Variants in UCK2 observed in about 807,000 individuals in gnomAD.
UCK2 encodes uridine-cytidine kinase 2.
In UCK2, 6 loss-of-function variants were observed where a neutral mutation model predicts 30.8. That is an observed-to-expected ratio of 0.19 (90% confidence interval 0.11 to 0.38). The LOEUF is 0.38. Among genes scored for constraint, UCK2 ranks in the 10% least tolerant of loss-of-function variants. The pLI, the probability that UCK2 is intolerant of heterozygous loss-of-function variation, is 1.00. For missense variants in UCK2, 210 were observed against 339.8 expected (o/e 0.62, Z 3.00); for synonymous variants, 125 against 133.6 (o/e 0.94, Z 0.45).
At chr1:165,851,415 T>C (rs945825629) in intron 1 of UCK2, among the ~76,000 whole-genome samples, 1 of 152,062 alleles carries the variant, frequency 6.6e-6, no homozygotes, top group East Asian at 1.9e-4. Flanking sequence ...TTAATAGGAG[T>C]GCCCTCAGCC....
chr1:165,888,861 G>A (rs1211429835), intron 1 of UCK2, among the ~76,000 whole-genome samples: 1 of 151,620 alleles, frequency 6.6e-6, no homozygotes, highest in African/African-American at 2.4e-5. Flanking sequence ...TTTTACATTA[G>A]TCTTTGTATG....
At position 165,908,211 on chromosome 1, in the gene UCK2, A is replaced by G. The variant is rs1557852311; in HGVS notation, c.*388A>G. 6.5e-6 allele frequency: 1 copy of G among 154,978 alleles called. No individual in the cohort carries two copies. The highest frequency in any genetic ancestry group is 1.4e-5 in the Non-Finnish European group (1 of 69,880). 9.6% of individuals were successfully genotyped at this position (154,978 alleles called of 1,614,324 possible). On this transcript the variant is annotated 3_prime_UTR_variant, in exon 7 of 7. Coordinates refer to ENST00000367879, the MANE Select transcript of UCK2 (RefSeq NM_012474.5). ...GTTTTAGGACTGGAGCTGGAATTTCACCAAGGGGAAATTGCCTGTTGTGTC... is the reference window on the plus strand; with the variant it reads ...GTTTTAGGACTGGAGCTGGAATTTCGCCAAGGGGAAATTGCCTGTTGTGTC...
At chr1:165,836,486 A>T (rs1349165001) in intron 1 of UCK2, among the ~76,000 whole-genome samples, 1 of 152,222 alleles carries the variant, frequency 6.6e-6, no homozygotes, top group African/African-American at 2.4e-5. Context: ...TACCTTTAAA[A>T]TTATATGTCA....
chr1:165,854,957 C>T (rs866349191), intron 1 of UCK2, among the ~76,000 whole-genome samples: 7 of 152,192 alleles, frequency 4.6e-5, no homozygotes, highest in Middle Eastern at 3.4e-3. Context: ...AATTCCCATA[C>T]GAAGGTATAA....
chr1:165,830,347 CAG>C (rs1654015481), intron 1 of UCK2, among the ~76,000 whole-genome samples: 3 of 139,702 alleles, frequency 2.1e-5, no homozygotes, highest in African/African-American at 8.1e-5. Flanking sequence ...TTTTTTGAGA[CAG>C]AGTCTTGCTC....
intron 5 of UCK2, 30 bp downstream of exon 5, chr1:165,903,309 G>A (rs1212409396): frequency 1.3e-6 from 2 of 1,594,936 alleles, no homozygotes; most frequent in East Asian, 2.2e-5. Flanking sequence ...TGTTTTTGTT[G>A]AATGTAGAAT....
chr1:165,899,246 C>T (rs538178962), intron 4 of UCK2, among the ~76,000 whole-genome samples: 10 of 152,234 alleles, frequency 6.6e-5, no homozygotes, highest in African/African-American at 1.9e-4. Flanking sequence ...TTGATCTTCT[C>T]GGGATTGGTT....
chr1:165,870,880 C>G (rs77783983), intron 1 of UCK2, among the ~76,000 whole-genome samples: 1 of 152,222 alleles, frequency 6.6e-6, no homozygotes, highest in Non-Finnish European at 1.5e-5. Context: ...TGCAGTGGCA[C>G]GATCTTGGCT....
At chr1:165,880,566 GGTGTGTGTGTGTGTGTGTGTGTGTGTGT>G (rs869079437) in intron 1 of UCK2, among the ~76,000 whole-genome samples, 20 of 19,358 alleles carry the variant, frequency 1.0e-3, no homozygotes, top group Middle Eastern at 0.031. Flanking sequence ...TTTTTTTGGG[GGTGTGTGTGTGTGTGTGTGTGTGTGTGT>G]GTGTGTGTGT....
chr1:165,894,411 T>G (rs1310147512), intron 3 of UCK2: 1 of 152,208 alleles, frequency 6.6e-6, no homozygotes, highest in African/African-American at 2.4e-5. Context: ...TGCCTTCTTA[T>G]GCACAATGAC....
At chr1:165,904,496 C>T (rs538117154) in intron 5 of UCK2, among the ~76,000 whole-genome samples, 2 of 152,316 alleles carry the variant, frequency 1.3e-5, no homozygotes, top group African/African-American at 2.4e-5. Flanking sequence ...TTAATAAGAA[C>T]ACAAAATGAA....
chr1:165,858,186 A>T (rs59075935), intron 1 of UCK2, among the ~76,000 whole-genome samples: 3,619 of 152,276 alleles, frequency 0.024, 163 homozygotes, highest in African/African-American at 0.083. Flanking sequence ...TTAAAGATTG[A>T]TAGTCTGTGC....
intron 1 of UCK2, among the ~76,000 whole-genome samples, chr1:165,871,320 G>GC (rs1655191572): frequency 6.6e-6 from 1 of 152,188 alleles, no homozygotes; most frequent in African/African-American, 2.4e-5. Context: ...CATCTGGGTT[G>GC]TACTCCAGAC....
chr1:165,902,592 ATTTTTTTTTTTTTTTTT>A (rs386368582), intron 4 of UCK2: 1 of 45,758 alleles, frequency 2.2e-5, no homozygotes, highest in South Asian at 1.3e-3. Flanking sequence ...TCACTGAGTG[ATTTTTTTTTTTTTTTTT>A]TTTTTTTTTT....
At chr1:165,893,786 T>TA (rs1261838180) in intron 3 of UCK2, among the ~76,000 whole-genome samples, 1 of 152,218 alleles carries the variant, frequency 6.6e-6, no homozygotes, top group Admixed American at 6.5e-5. Context: ...ATGACAGTTT[T>TA]TAGACCTGCG....
chr1:165,868,456 TTAGTG>T (rs879892705), intron 1 of UCK2, among the ~76,000 whole-genome samples: 8 of 152,236 alleles, frequency 5.3e-5, no homozygotes, highest in Non-Finnish European at 1.0e-4. Context: ...GAAAAAATCT[TTAGTG>T]TAGCTACCTT....
chr1:165,870,864 C>T (rs772802050), intron 1 of UCK2, among the ~76,000 whole-genome samples: 4 of 152,260 alleles, frequency 2.6e-5, no homozygotes, highest in Non-Finnish European at 4.4e-5. Context: ...GTTGCCCCGG[C>T]TGGGGTGCAG....
intron 1 of UCK2, among the ~76,000 whole-genome samples, chr1:165,847,454 A>C (rs1463574330): frequency 6.6e-6 from 1 of 152,172 alleles, no homozygotes; most frequent in African/African-American, 2.4e-5. Context: ...ACCCCAGCCC[A>C]TTTTTAAGAA....
intron 3 of UCK2, chr1:165,894,534 C>G (rs1308714316): frequency 6.6e-6 from 1 of 152,122 alleles, no homozygotes; most frequent in Non-Finnish European, 1.5e-5. Flanking sequence ...AGTTCTAGCT[C>G]CACTTCAGAC....
Sources: allele counts gnomAD v4.1 joint callset (sites outside exome capture counted in the v4.1 genomes callset), GRCh38; gene constraint gnomAD v4.1.1; transcripts MANE v1.5; gene names NCBI Gene and HGNC (gene_info 2026-07-23, HGNC 2026-07-21).